Variants in DRD3 observed in about 807,000 individuals in gnomAD.
DRD3 encodes the protein D(3) dopamine receptor.
In DRD3, 19 loss-of-function variants were observed where a neutral mutation model predicts 36.3. The ratio of observed to expected loss-of-function variants is 0.52; its 90% confidence interval spans 0.36 to 0.77. The LOEUF (loss-of-function observed/expected upper bound fraction) is 0.77. Among genes scored for constraint, DRD3 ranks in the 30% least tolerant of loss-of-function variants. The pLI, the probability that DRD3 is intolerant of heterozygous loss-of-function variation, is 0.00. For missense variants in DRD3, 465 were observed against 505.3 expected (o/e 0.92, Z 0.77); for synonymous variants, 195 against 203.7 (o/e 0.96, Z 0.36).
In DRD3 at chr3:114,128,488, A is replaced by C. The variant is rs1336404618; in HGVS notation, c.*228T>G. 6.6e-6 allele frequency among the ~76,000 whole-genome samples: 1 copy of C among 152,160 alleles called. No homozygotes were observed. The highest frequency in any genetic ancestry group is 1.5e-5 in the Non-Finnish European group (1 of 68,020). The stretch of plus-strand genomic sequence containing the variant: ...TTCTGAATTATTGCTTATCACTTGG[A>C]AGCTCCCCAGTCATTTGAAGATTGT... On this transcript the variant is annotated 3_prime_UTR_variant, in exon 7 of 7. Coordinates refer to ENST00000383673, the MANE Select transcript of DRD3 (RefSeq NM_000796.6).
In DRD3 at chr3:114,128,555, G is replaced by T; in HGVS notation, c.*161C>A. On this transcript the variant is annotated 3_prime_UTR_variant, in exon 7 of 7. Transcript: ENST00000383673. Reference sequence around the variant, plus strand: ...TTTAGCTGGGGAGGTAGAATATTCTGTTTTGGAGGACACATCTGGTTATAC... The same window carrying T: ...TTTAGCTGGGGAGGTAGAATATTCTTTTTTGGAGGACACATCTGGTTATAC... The T allele has an allele frequency of 1.6e-6, 1 of 609,448 alleles. No individual in the cohort carries two copies. The highest frequency in any genetic ancestry group is 2.6e-6 in the Non-Finnish European group (1 of 383,492). 37.8% of individuals were successfully genotyped at this position (609,448 alleles called of 1,614,324 possible). A position where few individuals can be genotyped will look rare whatever the true frequency, so the allele number is the denominator to read the frequency against.
intron 3 of DRD3, 78 bp from the exon 4 acceptor site, chr3:114,147,635 T>C (rs944205193): frequency 1.9e-6 from 3 of 1,542,536 alleles, no homozygotes; most frequent in East Asian, 4.6e-5. Context: ...TTGTTGTTGT[T>C]GTTTTTGGAG....
intron 3 of DRD3, among the ~76,000 whole-genome samples, chr3:114,156,933 CT>C: frequency 7.8e-6 from 1 of 128,466 alleles, no homozygotes; most frequent in Non-Finnish European, 1.6e-5. Context: ...CCTTCCTTCT[CT>C]TTCTTTCTTT....
chr3:114,159,705 C>G (rs763221391), intron 3 of DRD3, 50 bp downstream of exon 3: 8 of 1,523,396 alleles, frequency 5.3e-6, no homozygotes, highest in Middle Eastern at 2.0e-4. Flanking sequence ...ATCTGTCTCT[C>G]CCCACTTCCC....
chr3:114,141,906 C>T (rs1002994101), intron 4 of DRD3, among the ~76,000 whole-genome samples: 11 of 151,754 alleles, frequency 7.2e-5, no homozygotes, highest in Non-Finnish European at 1.5e-4. Context: ...AAAAGTTAGC[C>T]GGTGTGGTAG....
intron 3 of DRD3, among the ~76,000 whole-genome samples, chr3:114,153,071 T>C (rs1308667486): frequency 6.6e-6 from 1 of 152,228 alleles, no homozygotes; most frequent in Non-Finnish European, 1.5e-5. Flanking sequence ...ACTGGCAGTG[T>C]GCTTGGTGAT....
intron 3 of DRD3, among the ~76,000 whole-genome samples, chr3:114,149,201 T>C (rs753493970): frequency 4.5e-4 from 69 of 151,958 alleles, no homozygotes; most frequent in Non-Finnish European, 6.8e-4. Context: ...AAGAGTACCA[T>C]GAAAGAAATA....
intron 5 of DRD3, among the ~76,000 whole-genome samples, chr3:114,138,307 T>C (rs1324764289): frequency 6.6e-6 from 1 of 152,156 alleles, no homozygotes; most frequent in African/African-American, 2.4e-5. Context: ...CCTGTTTTCA[T>C]GCTGCTAATA....
upstream of DRD3, among the ~76,000 whole-genome samples, chr3:114,181,470 C>A (rs984871466): frequency 2.0e-5 from 3 of 152,172 alleles, no homozygotes; most frequent in African/African-American, 4.8e-5. Flanking sequence ...CAATTTTATT[C>A]TTTTAAGTAA....
intron 2 of DRD3, among the ~76,000 whole-genome samples, chr3:114,166,510 T>C (rs990657079): frequency 7.2e-5 from 11 of 152,148 alleles, no homozygotes; most frequent in Non-Finnish European, 1.6e-4. Context: ...CTTTTGCCTC[T>C]CTTCTGCCCT....
At chr3:114,199,150 C>T (rs889557263) in intron 1 of DRD3, 1 of 152,212 alleles carries the variant, frequency 6.6e-6, no homozygotes, top group Non-Finnish European at 1.5e-5. Context: ...TGATGTCTAA[C>T]ATGCCATTAA....
At chr3:114,188,123 T>G (rs1407389745) in intron 1 of DRD3, among the ~76,000 whole-genome samples, 1 of 151,688 alleles carries the variant, frequency 6.6e-6, no homozygotes, top group East Asian at 1.9e-4. Context: ...TTGAATGAAA[T>G]GATAAAGAGT....
rs1474116416 is a variant in DRD3, at chr3:114,127,613, ATATT to A, written c.*1099_*1102del. ...CCAGTAACATAGTCATTTATTATCA[ATATT>A]AAGTATTACGTACTGTACACAATTG... On this transcript the variant is annotated 3_prime_UTR_variant, in exon 7 of 7. Coordinates refer to ENST00000383673, the MANE Select transcript of DRD3 (RefSeq NM_000796.6). 6.6e-6 allele frequency among the ~76,000 whole-genome samples: 1 copy of A among 152,260 alleles called. No homozygotes were observed. Among genetic ancestry groups the A allele is most frequent in the Non-Finnish European group, 1.5e-5 (1 of 68,048 alleles).
rs939044602 is a variant in DRD3, at chr3:114,135,678, G to GT, written c.723+3821dup. 4.8e-3 allele frequency among the ~76,000 whole-genome samples: 728 copies of GT among 150,312 alleles called. 8 individuals are homozygous for GT. Among genetic ancestry groups the GT allele is most frequent in the African/African-American group, 0.012 (500 of 40,998 alleles). Reference sequence around the variant, plus strand: ...GAGATTATGGTGTGTTTTTTTGTTTGTTTTTTTTTGTTGTTGTTTGTTTGT... The same window carrying GT: ...GAGATTATGGTGTGTTTTTTTGTTTGTTTTTTTTTTGTTGTTGTTTGTTTGT... On this transcript the variant is annotated intron_variant, in intron 5 of 6. Transcript: ENST00000383673.
At chr3:114,129,373 A>G (rs1214132786) in intron 6 of DRD3, among the ~76,000 whole-genome samples, 1 of 152,106 alleles carries the variant, frequency 6.6e-6, no homozygotes, top group Non-Finnish European at 1.5e-5. Flanking sequence ...AAAAAAACCC[A>G]ACCCTATGAA....
Position 114,178,659 on chromosome 3 carries a change from T to G in DRD3, c.-38A>C, listed in dbSNP as rs201872343. ...AAACGAAAAGAAAAATTACTTACCCTAAAATTTTCTTCTGATTTCTGGAGA... is the reference window on the plus strand; with the variant it reads ...AAACGAAAAGAAAAATTACTTACCCGAAAATTTTCTTCTGATTTCTGGAGA... On this transcript the variant is annotated splice_region_variant and 5_prime_UTR_variant, in exon 1 of 7. Coordinates refer to ENST00000383673, the MANE Select transcript of DRD3 (RefSeq NM_000796.6). The G allele has an allele frequency of 2.4e-4, 36 of 152,158 alleles. No homozygotes were observed. The highest frequency in any genetic ancestry group is 4.1e-4 in the Non-Finnish European group (28 of 68,012). 9.4% of individuals were successfully genotyped at this position (152,158 alleles called of 1,614,324 possible).
intron 1 of DRD3, 28 bp from the exon 2 acceptor site, chr3:114,172,055 T>C (rs1221679395): frequency 1.5e-6 from 2 of 1,359,650 alleles, no homozygotes; most frequent in Admixed American, 3.7e-5. Context: ...ACAATATTAA[T>C]AAAATCAGAC....
At chr3:114,171,578 C>T (rs1381811774) in intron 2 of DRD3, 145 bp downstream of exon 2, 6 of 1,094,210 alleles carry the variant, frequency 5.5e-6, no homozygotes, top group Non-Finnish European at 7.6e-6. Flanking sequence ...AGCTTTAACT[C>T]TCTCATTACA....
intron 6 of DRD3, among the ~76,000 whole-genome samples, 167 bp from the exon 7 acceptor site, chr3:114,129,079 A>G (rs895809671): frequency 4.6e-5 from 7 of 152,158 alleles, no homozygotes; most frequent in African/African-American, 1.7e-4. Flanking sequence ...GTGGTGGCTC[A>G]CGCTTGTAAT....
Sources: allele counts gnomAD v4.1 joint callset (sites outside exome capture counted in the v4.1 genomes callset), GRCh38; gene constraint gnomAD v4.1.1; transcripts MANE v1.5; gene names NCBI Gene and HGNC (gene_info 2026-07-23, HGNC 2026-07-21).